Variants in NCKAP5 observed in about 807,000 individuals in gnomAD.
NCKAP5 encodes nck-associated protein 5.
NCKAP5 carries 92 observed loss-of-function variants against 167.0 expected under a neutral mutation model. That is an observed-to-expected ratio of 0.55 (90% confidence interval 0.47 to 0.66). NCKAP5 has a LOEUF of 0.66. NCKAP5 is among the 30% of genes least tolerant of loss of function. The pLI is 0.00. For synonymous variants in NCKAP5, 891 were observed against 877.4 expected (o/e 1.02, Z -0.27); for missense variants, 2,378 against 2,315.0 (o/e 1.03, Z -0.56).
chr2:132,717,263 C>T (rs893257084), intron 19 of NCKAP5, among the ~76,000 whole-genome samples: 4 of 152,216 alleles, frequency 2.6e-5, no homozygotes, highest in Middle Eastern at 3.4e-3. Flanking sequence ...TTAAAATGAT[C>T]TAAAAAGAGA....
At chr2:133,306,085 C>T (rs1680755767) in intron 3 of NCKAP5, among the ~76,000 whole-genome samples, 1 of 152,200 alleles carries the variant, frequency 6.6e-6, no homozygotes, top group African/African-American at 2.4e-5. Flanking sequence ...AATAGGATTA[C>T]TCCTAGGGGG....
intron 16 of NCKAP5, among the ~76,000 whole-genome samples, chr2:132,769,420 T>C (rs1681826256): frequency 2.6e-5 from 4 of 152,226 alleles, no homozygotes; most frequent in Admixed American, 2.0e-4. Context: ...TTTGCACAGT[T>C]GCTGTTATTG....
intron 10 of NCKAP5, among the ~76,000 whole-genome samples, chr2:132,866,795 T>C (rs1263262847): frequency 1.3e-5 from 2 of 152,164 alleles, no homozygotes; most frequent in African/African-American, 2.4e-5. Flanking sequence ...TTTTTTTCTG[T>C]TTTGTCTTTG....
intron 6 of NCKAP5, among the ~76,000 whole-genome samples, chr2:133,098,591 A>C (rs550197045): frequency 1.7e-4 from 26 of 152,206 alleles, no homozygotes; most frequent in Non-Finnish European, 1.5e-4. Context: ...TTTATTAGTG[A>C]GTAAACATTA....
chr2:132,711,870 G>T (rs533521866), intron 19 of NCKAP5, among the ~76,000 whole-genome samples: 3 of 152,166 alleles, frequency 2.0e-5, no homozygotes, highest in Non-Finnish European at 4.4e-5. Context: ...GGGGATGGTA[G>T]ACAGGATAAA....
chr2:133,549,157 T>G (rs199701528), intron 2 of NCKAP5, among the ~76,000 whole-genome samples: 38,357 of 148,102 alleles, frequency 0.26, 4,617 homozygotes, highest in East Asian at 0.35. Flanking sequence ...GGTAAAGGGA[T>G]CAATTCAACA....
chr2:133,354,913 C>A lies in NCKAP5; in HGVS notation c.70-51803G>T, dbSNP rs552743473. Among the ~76,000 whole-genome samples the A allele has an allele frequency of 2.6e-5, 4 of 152,228 alleles. No homozygotes were observed. In the South Asian group the frequency reaches 8.3e-4, roughly 32 times the overall value. ...ATTCTGAGTTTCTATATAATGTCAT[C>A]ATCTTAGCTGAAAAATAAAACAATT... is the stretch of plus-strand genomic sequence containing the variant. On this transcript the variant is annotated intron_variant, in intron 3 of 19. Transcript: ENST00000409261.
intron 2 of NCKAP5, among the ~76,000 whole-genome samples, chr2:133,527,588 G>T (rs1322739936): frequency 6.6e-6 from 1 of 151,708 alleles, no homozygotes; most frequent in African/African-American, 2.4e-5. Flanking sequence ...AAAACAATAG[G>T]AAGAATTTTT....
At chr2:133,020,368 ACTT>A (rs2078483854) in intron 6 of NCKAP5, among the ~76,000 whole-genome samples, 2 of 152,226 alleles carry the variant, frequency 1.3e-5, no homozygotes, top group Non-Finnish European at 2.9e-5. Context: ...AGGCACCACC[ACTT>A]AGTCCAGATA....
intron 3 of NCKAP5, among the ~76,000 whole-genome samples, chr2:133,415,139 GC>G (rs1353835473): frequency 6.6e-6 from 1 of 152,212 alleles, no homozygotes; most frequent in Non-Finnish European, 1.5e-5. Flanking sequence ...CGCTGATGCT[GC>G]CTCAGTTCAC....
intron 16 of NCKAP5, among the ~76,000 whole-genome samples, chr2:132,765,852 G>A (rs1012729560): frequency 6.6e-6 from 1 of 152,142 alleles, no homozygotes; most frequent in Non-Finnish European, 1.5e-5. Flanking sequence ...CAGAAAGGAT[G>A]GGGCAACTGC....
chr2:133,571,110 C>T (rs534273821), upstream of NCKAP5, among the ~76,000 whole-genome samples: 72 of 152,162 alleles, frequency 4.7e-4, no homozygotes, highest in African/African-American at 1.6e-3. Context: ...AAAGCATATC[C>T]AATTCTTGTC....
intron 5 of NCKAP5, among the ~76,000 whole-genome samples, chr2:133,160,508 A>G (rs1303161043): frequency 6.7e-6 from 1 of 149,424 alleles, no homozygotes; most frequent in Admixed American, 6.7e-5. Context: ...CCTTAGGATC[A>G]GAAAAGATTC....
At chr2:132,793,199 G>T (rs1684213209) in intron 12 of NCKAP5, among the ~76,000 whole-genome samples, 1 of 152,158 alleles carries the variant, frequency 6.6e-6, no homozygotes, top group African/African-American at 2.4e-5. Context: ...AGTAGAGATG[G>T]GGTTTCTCCA....
chr2:133,192,236 A>G (rs2085257996), intron 5 of NCKAP5, among the ~76,000 whole-genome samples: 1 of 152,126 alleles, frequency 6.6e-6, no homozygotes, highest in Non-Finnish European at 1.5e-5. Flanking sequence ...TTGGCCATCT[A>G]TAGGCAACAA....
intron 6 of NCKAP5, among the ~76,000 whole-genome samples, chr2:133,116,815 C>CAAA (rs2082099686): frequency 6.6e-6 from 1 of 152,138 alleles, no homozygotes. Context: ...CCTTTCTGGG[C>CAAA]TTTATTTTCT....
At chr2:132,847,334 C>T (rs955333906) in intron 11 of NCKAP5, among the ~76,000 whole-genome samples, 1 of 152,126 alleles carries the variant, frequency 6.6e-6, no homozygotes, top group Non-Finnish European at 1.5e-5. Flanking sequence ...TATACACACA[C>T]AACAACCAAG....
intron 16 of NCKAP5, among the ~76,000 whole-genome samples, chr2:132,765,582 C>T (rs1681401079): frequency 9.5e-6 from 1 of 104,912 alleles, no homozygotes; most frequent in Non-Finnish European, 1.9e-5. Flanking sequence ...GCATGAGCCA[C>T]CGTGCCCGGC....
rs182681477 is a variant in NCKAP5 at position 132,793,212 on chromosome 2, T to C, written c.910-3007A>G. 2.6e-5 allele frequency among the ~76,000 whole-genome samples: 4 copies of C among 152,284 alleles called. No homozygotes were observed. In the East Asian group the frequency reaches 7.7e-4, roughly 29 times the overall value. On this transcript the variant is annotated intron_variant, in intron 12 of 19. Transcript: ENST00000409261. ...TTAGTAGAGATGGGGTTTCTCCATGTTGGTCAGGCTGGTCTCAAACCCTCA... is the reference window on the plus strand; with the variant it reads ...TTAGTAGAGATGGGGTTTCTCCATGCTGGTCAGGCTGGTCTCAAACCCTCA...
Sources: gnomAD v4.1 joint callset for allele counts (sites outside exome capture counted in the v4.1 genomes callset) on GRCh38, gnomAD v4.1.1 for gene constraint, MANE v1.5 for transcripts, NCBI Gene and HGNC (gene_info 2026-07-23, HGNC 2026-07-21) for gene names.